The following TMEM232 variants were observed in gnomAD, a reference collection of about 807,000 sequenced individuals.
TMEM232 encodes the protein transmembrane protein 232.
A neutral mutation model predicts 78.8 loss-of-function variants in TMEM232; 80 were observed. The ratio of observed to expected loss-of-function variants is 1.01; its 90% CI spans 0.85 to 1.22. TMEM232 has a LOEUF of 1.22. Ranked by LOEUF, TMEM232 falls within the 50% of genes most tolerant of loss-of-function variation. The pLI, the probability that TMEM232 is intolerant of heterozygous loss-of-function variation, is 0.00. For missense variants in TMEM232, 881 were observed against 742.2 expected (o/e 1.19, Z -2.17); for synonymous variants, 297 against 254.3 (o/e 1.17, Z -1.60).
intron 12 of TMEM232, among the ~76,000 whole-genome samples, chr5:110,464,483 A>C (rs1761865333): frequency 6.6e-6 from 1 of 152,124 alleles, no homozygotes; most frequent in South Asian, 2.1e-4. Context: ...AATGCCACTA[A>C]TTGGTAGCTG....
intron 12 of TMEM232, among the ~76,000 whole-genome samples, chr5:110,514,703 T>C (rs905855819): frequency 6.6e-6 from 1 of 152,082 alleles, no homozygotes; most frequent in Admixed American, 6.5e-5. Context: ...ACAAGACAGA[T>C]TGGTTTAAGA....
chr5:110,414,699 G>T (rs967050375), downstream of TMEM232, among the ~76,000 whole-genome samples: 1 of 152,120 alleles, frequency 6.6e-6, no homozygotes, highest in African/African-American at 2.4e-5. Flanking sequence ...CTTTAGGATA[G>T]CTGTTTTGGT....
At chr5:110,683,061 G>A (rs1160249424) in intron 1 of TMEM232, among the ~76,000 whole-genome samples, 2 of 152,160 alleles carry the variant, frequency 1.3e-5, no homozygotes, top group African/African-American at 4.8e-5. Context: ...GATTATATTG[G>A]TCTTGCTTGT....
At chr5:110,475,155 T>C (rs1016774837) in intron 12 of TMEM232, among the ~76,000 whole-genome samples, 1 of 151,938 alleles carries the variant, frequency 6.6e-6, no homozygotes, top group Non-Finnish European at 1.5e-5. Context: ...AATGGAACAA[T>C]AGAGAGTCCA....
intron 1 of TMEM232, among the ~76,000 whole-genome samples, chr5:110,683,850 A>G (rs1205283082): frequency 6.6e-6 from 1 of 152,038 alleles, no homozygotes; most frequent in Admixed American, 6.6e-5. Context: ...AGAATTCATT[A>G]TAACGGAGAT....
intron 12 of TMEM232, among the ~76,000 whole-genome samples, chr5:110,427,543 G>A (rs760991237): frequency 1.3e-5 from 2 of 151,546 alleles, no homozygotes; most frequent in Non-Finnish European, 1.5e-5. Flanking sequence ...ACTAGTTTCC[G>A]AGGGCTACTT....
chr5:110,508,453 A>G (rs1432351197), intron 12 of TMEM232, among the ~76,000 whole-genome samples: 1 of 151,288 alleles, frequency 6.6e-6, no homozygotes, highest in East Asian at 1.9e-4. Flanking sequence ...ATATATCTTG[A>G]GGGGTAATAA....
At chr5:110,539,838 A>G (rs971190091) in intron 11 of TMEM232, among the ~76,000 whole-genome samples, 1 of 152,182 alleles carries the variant, frequency 6.6e-6, no homozygotes, top group African/African-American at 2.4e-5. Flanking sequence ...CAGGTCCAAT[A>G]TTTAAGGTAT....
chr5:110,733,972 T>G (rs1449067991), intron 2 of TMEM232, among the ~76,000 whole-genome samples: 1 of 152,260 alleles, frequency 6.6e-6, no homozygotes, highest in Non-Finnish European at 1.5e-5. Context: ...ACCAATGGGT[T>G]AATTTTCACA....
At chr5:110,501,776 C>T (rs556013390) in intron 12 of TMEM232, among the ~76,000 whole-genome samples, 2 of 152,060 alleles carry the variant, frequency 1.3e-5, no homozygotes, top group Non-Finnish European at 2.9e-5. Context: ...AAACAAATAC[C>T]TCAAAAATCA....
chr5:110,663,829 T>A (rs1050629951), intron 2 of TMEM232, among the ~76,000 whole-genome samples: 10 of 151,780 alleles, frequency 6.6e-5, no homozygotes, highest in Admixed American at 3.3e-4. Flanking sequence ...AGCAAATTTT[T>A]AAAAATAATA....
At chr5:110,424,454 G>A (rs994472415) in intron 13 of TMEM232, among the ~76,000 whole-genome samples, 2 of 152,130 alleles carry the variant, frequency 1.3e-5, no homozygotes, top group South Asian at 2.1e-4. Flanking sequence ...TTTCTGATCT[G>A]TCAAGGGTAA....
At chr5:110,406,894 G>A (rs1225750497) in intron 2 of TMEM232, among the ~76,000 whole-genome samples, 1 of 152,054 alleles carries the variant, frequency 6.6e-6, no homozygotes, top group African/African-American at 2.4e-5. Context: ...ATTCTTTGGT[G>A]TTCTAAGATA....
chr5:110,653,073 C>G (rs1046491446), intron 2 of TMEM232, among the ~76,000 whole-genome samples: 1 of 152,126 alleles, frequency 6.6e-6, no homozygotes, highest in African/African-American at 2.4e-5. Flanking sequence ...TGAAAGCCTC[C>G]TACATACAAA....
chr5:110,459,142 T>TATAA (rs1049596135), intron 12 of TMEM232, among the ~76,000 whole-genome samples: 1 of 152,196 alleles, frequency 6.6e-6, no homozygotes, highest in Non-Finnish European at 1.5e-5. Flanking sequence ...CTGTAGCAAA[T>TATAA]ATAAATATTA....
intron 11 of TMEM232, among the ~76,000 whole-genome samples, chr5:110,549,561 A>G (rs1330470545): frequency 2.1e-5 from 3 of 146,040 alleles, no homozygotes; most frequent in African/African-American, 7.8e-5. Context: ...AGTCATGATC[A>G]CACCACTGCA....
intron 10 of TMEM232, among the ~76,000 whole-genome samples, chr5:110,603,513 C>T (rs1400742526): frequency 6.6e-6 from 1 of 152,080 alleles, no homozygotes; most frequent in African/African-American, 2.4e-5. Flanking sequence ...AACTAACCTA[C>T]ATAGCCAGAC....
At chr5:110,395,765 T>A (rs1274408120) in intron 3 of TMEM232, among the ~76,000 whole-genome samples, 1 of 152,192 alleles carries the variant, frequency 6.6e-6, no homozygotes, top group East Asian at 1.9e-4. Context: ...GCCTCTCTTA[T>A]GACTAGATCT....
chr5:110,645,616 ATAAT>A (rs1787380611), intron 2 of TMEM232, among the ~76,000 whole-genome samples: 1 of 151,680 alleles, frequency 6.6e-6, no homozygotes. Context: ...AGCCAATATC[ATAAT>A]TAATGAAAGA....
Sources: allele counts gnomAD v4.1 joint callset (sites outside exome capture counted in the v4.1 genomes callset), GRCh38; gene constraint gnomAD v4.1.1; transcripts MANE v1.5; gene names NCBI Gene and HGNC (gene_info 2026-07-23, HGNC 2026-07-21).